Variants in RBFOX1 observed in about 807,000 individuals in gnomAD.
RBFOX1 encodes RNA binding protein fox-1 homolog 1.
RBFOX1 carries 8 observed loss-of-function variants against 57.7 expected under a neutral mutation model. That is an observed-to-expected ratio of 0.14 (90% CI 0.08 to 0.25). The LOEUF (loss-of-function observed/expected upper bound fraction) is 0.25, where lower values mean the gene tolerates loss of function less well. Ranked by LOEUF, RBFOX1 falls within the 10% of genes least tolerant of loss-of-function variation. The pLI, the probability that RBFOX1 is intolerant of heterozygous loss-of-function variation, is 1.00. For missense variants in RBFOX1, 611 were observed against 548.5 expected, an observed-to-expected ratio of 1.11 and a Z score of -1.14; for synonymous variants, 326 against 222.4, an observed-to-expected ratio of 1.47 and a Z score of -4.15.
intron 3 of RBFOX1, among the ~76,000 whole-genome samples, chr16:6,903,338 G>A (rs1045656003): frequency 2.6e-5 from 4 of 152,124 alleles, no homozygotes; most frequent in Non-Finnish European, 4.4e-5. Flanking sequence ...TAAGGAAGGC[G>A]GTGCTTATAA....
chr16:5,327,382 C>G (rs981285033), intron 1 of RBFOX1, among the ~76,000 whole-genome samples: 2 of 152,140 alleles, frequency 1.3e-5, no homozygotes, highest in African/African-American at 4.8e-5. Flanking sequence ...AGTTTAAGGA[C>G]CACTCTCTTA....
intron 3 of RBFOX1, among the ~76,000 whole-genome samples, chr16:5,629,381 T>C (rs1173982027): frequency 6.6e-6 from 1 of 152,192 alleles, no homozygotes; most frequent in Non-Finnish European, 1.5e-5. Context: ...AGCTCTGCCG[T>C]GGTCAACCAG....
At chr16:6,871,122 A>G (rs757861651) in intron 3 of RBFOX1, among the ~76,000 whole-genome samples, 2 of 152,202 alleles carry the variant, frequency 1.3e-5, no homozygotes, top group Non-Finnish European at 2.9e-5. Context: ...ATGGAATTTG[A>G]TGAAGGTTCC....
chr16:7,325,354 C>G (rs1394405791), intron 4 of RBFOX1, among the ~76,000 whole-genome samples: 1 of 152,186 alleles, frequency 6.6e-6, no homozygotes, highest in Non-Finnish European at 1.5e-5. Context: ...CTGGTAGGAA[C>G]TGGGCTTTTA....
At chr16:7,486,739 C>A (rs962646156) in intron 4 of RBFOX1, among the ~76,000 whole-genome samples, 6 of 152,070 alleles carry the variant, frequency 3.9e-5, no homozygotes, top group Non-Finnish European at 5.9e-5. Context: ...CAGCTGAGGT[C>A]TAGGGGAATA....
At chr16:7,669,732 G>C (rs1483142754) in intron 13 of RBFOX1, among the ~76,000 whole-genome samples, 1 of 152,114 alleles carries the variant, frequency 6.6e-6, no homozygotes, top group Non-Finnish European at 1.5e-5. Context: ...TTTAAACTCA[G>C]GAATGAGATG....
At chr16:5,397,980 G>C (rs1469687684) in intron 1 of RBFOX1, among the ~76,000 whole-genome samples, 1 of 152,180 alleles carries the variant, frequency 6.6e-6, no homozygotes, top group Non-Finnish European at 1.5e-5. Flanking sequence ...CTCATGGATT[G>C]GTGGAAGAGA....
At chr16:6,112,011 G>C (rs1259635487) in intron 1 of RBFOX1, among the ~76,000 whole-genome samples, 1 of 150,740 alleles carries the variant, frequency 6.6e-6, no homozygotes, top group African/African-American at 2.4e-5. Flanking sequence ...TTTCCATTTA[G>C]TGATCTGATA....
chr16:6,976,185 C>T (rs184316214), intron 3 of RBFOX1, among the ~76,000 whole-genome samples: 1 of 152,214 alleles, frequency 6.6e-6, no homozygotes, highest in African/African-American at 2.4e-5. Flanking sequence ...GCTATGATTT[C>T]TACAGGAGTT....
chr16:7,541,163 A>T (rs971382853), intron 5 of RBFOX1, among the ~76,000 whole-genome samples: 2 of 152,222 alleles, frequency 1.3e-5, no homozygotes, highest in Non-Finnish European at 1.5e-5. Flanking sequence ...AATTCACTCT[A>T]ATTACTCAGA....
At position 7,366,487 on chromosome 16, in the gene RBFOX1, A is replaced by G. The variant is rs1452877248; in HGVS notation, c.28-151660A>G. On this transcript the variant is annotated intron_variant, in intron 4 of 15. Transcript: ENST00000550418. ...AGGCTTGTGAATTGATAAACCCTCC[A>G]GGACAGACAGGCTGTTGAGGCACAG... Among the ~76,000 whole-genome samples, 4 of 152,284 alleles carry G rather than the reference A, an allele frequency of 2.6e-5. No homozygotes were observed. The East Asian group carries it at 7.7e-4, about 30-fold the overall frequency.
chr16:6,056,260 A>G (rs2095613193), intron 1 of RBFOX1, among the ~76,000 whole-genome samples: 1 of 152,194 alleles, frequency 6.6e-6, no homozygotes, highest in Non-Finnish European at 1.5e-5. Flanking sequence ...GTGTAGGGAT[A>G]AAGCAAGGAA....
chr16:5,682,622 C>T (rs2050375064), intron 3 of RBFOX1, among the ~76,000 whole-genome samples: 1 of 152,154 alleles, frequency 6.6e-6, no homozygotes, highest in African/African-American at 2.4e-5. Context: ...GATCATGCAA[C>T]TGAGTTTCAT....
intron 3 of RBFOX1, among the ~76,000 whole-genome samples, chr16:6,898,719 G>T (rs547998318): frequency 6.6e-5 from 10 of 152,214 alleles, no homozygotes; most frequent in South Asian, 2.1e-4. Context: ...ATATATGTGT[G>T]TATGTGTATG....
chr16:7,574,353 A>G (rs575160554), intron 5 of RBFOX1, among the ~76,000 whole-genome samples: 1 of 152,276 alleles, frequency 6.6e-6, no homozygotes, highest in Admixed American at 6.5e-5. Flanking sequence ...TGTAAAGGGG[A>G]ATTTATTAAG....
intron 10 of RBFOX1, among the ~76,000 whole-genome samples, chr16:7,608,140 G>A (rs1018502391): frequency 1.3e-5 from 2 of 152,162 alleles, no homozygotes; most frequent in Non-Finnish European, 2.9e-5. Context: ...CTTTGATGTG[G>A]CTCTTGCTTT....
intron 10 of RBFOX1, chr16:7,614,433 A>G (rs994683682): frequency 3.4e-5 from 5 of 146,818 alleles, no homozygotes; most frequent in African/African-American, 1.2e-4. Flanking sequence ...TCTAGATCCC[A>G]CAGAGGGAAT....
intron 2 of RBFOX1, among the ~76,000 whole-genome samples, chr16:6,345,139 A>G (rs2085174602): frequency 6.6e-6 from 1 of 152,220 alleles, no homozygotes; most frequent in Non-Finnish European, 1.5e-5. Context: ...GTTCTCTCCT[A>G]GGTAGACTTA....
intron 4 of RBFOX1, among the ~76,000 whole-genome samples, chr16:7,061,404 G>C (rs916693176): frequency 6.6e-6 from 1 of 152,126 alleles, no homozygotes; most frequent in African/African-American, 2.4e-5. Flanking sequence ...CAGCCAACTA[G>C]TCACAGATTT....
Sources: allele counts gnomAD v4.1 joint callset (sites outside exome capture counted in the v4.1 genomes callset), GRCh38; gene constraint gnomAD v4.1.1; transcripts MANE v1.5; gene names NCBI Gene and HGNC (gene_info 2026-07-23, HGNC 2026-07-21).